The following KDM6A variants were observed in gnomAD, a reference collection of about 807,000 sequenced individuals.
The protein encoded by KDM6A is lysine-specific demethylase 6A.
Under a neutral mutation model 117.6 loss-of-function variants are expected in KDM6A, and 11 were observed. That is an observed-to-expected ratio of 0.09 (90% CI 0.06 to 0.15). The LOEUF (loss-of-function observed/expected upper bound fraction) is 0.15. Among genes scored for constraint, KDM6A ranks in the 10% least tolerant of loss-of-function variants. The pLI is 1.00. For synonymous variants in KDM6A, 384 were observed against 396.1 expected (o/e 0.97, Z 0.36); for missense variants, 799 against 1,077.3 (o/e 0.74, Z 3.62).
At chrX:45,107,184 A>G (rs1459701018) in intron 27 of KDM6A, 1 of 367,503 alleles carries the variant, frequency 2.7e-6, no homozygotes, top group South Asian at 3.8e-5. Flanking sequence ...TGATATCCAG[A>G]TATTACTTTT....
At chrX:45,103,429 C>T (rs187228837) in intron 27 of KDM6A, among the ~76,000 whole-genome samples, 11 of 111,201 alleles carry the variant, frequency 9.9e-5, no homozygotes, top group African/African-American at 3.6e-4. Context: ...ATGTGATTCT[C>T]TACCTCCCCT....
chrX:44,997,302 G>A (rs1478494573), intron 4 of KDM6A, among the ~76,000 whole-genome samples: 1 of 112,183 alleles, frequency 8.9e-6, no homozygotes, highest in East Asian at 2.8e-4. Flanking sequence ...AGCCTATGGG[G>A]TAGCCAGAGG....
intron 19 of KDM6A, 127 bp downstream of exon 19, chrX:45,076,953 T>C (rs1234646827): frequency 2.1e-6 from 1 of 478,595 alleles, no homozygotes; most frequent in African/African-American, 2.5e-5. Context: ...TTAAATAGTT[T>C]GGGGGCGGGG....
At chrX:45,048,425 T>C (rs2043682644) in intron 8 of KDM6A, among the ~76,000 whole-genome samples, 1 of 111,348 alleles carries the variant, frequency 9.0e-6, no homozygotes, top group African/African-American at 3.3e-5. Context: ...AATCTCTCTC[T>C]AGTTCTTTTA....
Position 45,086,011 on chromosome X carries a change from T to C in KDM6A, c.3704+32T>C, listed in dbSNP as rs761427820. On this transcript the variant is annotated intron_variant, in intron 25 of 29. Coordinates refer to ENST00000611820, the MANE Select transcript of KDM6A (RefSeq NM_001291415.2). ...TTCCAAAGTAAATTTTCTTAAAACA[T>C]ATATTAGAAAGCAGTAATTGTAAAC... 2.0e-5 allele frequency: 18 copies of C among 894,802 alleles called. No homozygotes were observed. In the Admixed American group the frequency reaches 2.9e-4, roughly 14 times the overall value. The allele number at this position is 894,802 out of a possible 1,213,427, so 73.7% of individuals were successfully genotyped here.
intron 8 of KDM6A, among the ~76,000 whole-genome samples, chrX:45,048,778 T>C (rs1310603899): frequency 1.8e-5 from 2 of 109,545 alleles, no homozygotes; most frequent in Non-Finnish European, 3.8e-5. Context: ...TGCCATCTGG[T>C]AGTTGACTTT....
At chrX:44,992,459 C>T (rs192061380) in intron 4 of KDM6A, among the ~76,000 whole-genome samples, 1 of 109,079 alleles carries the variant, frequency 9.2e-6, no homozygotes, top group South Asian at 4.0e-4. Context: ...CCCAGCCTCA[C>T]GTGATCTGCC....
intron 2 of KDM6A, among the ~76,000 whole-genome samples, chrX:44,919,180 T>C (rs1344632567): frequency 2.7e-5 from 3 of 111,978 alleles, no homozygotes; most frequent in Admixed American, 1.9e-4. Flanking sequence ...GAACCAATAT[T>C]GATACTTTAT....
intron 4 of KDM6A, among the ~76,000 whole-genome samples, chrX:44,990,186 A>G (rs2040492011): frequency 8.9e-6 from 1 of 112,114 alleles, no homozygotes; most frequent in African/African-American, 3.2e-5. Context: ...AGATAAAGTT[A>G]AATAAAACAC....
chrX:45,071,645 A>C (rs1422242616), intron 18 of KDM6A, among the ~76,000 whole-genome samples: 1 of 111,561 alleles, frequency 9.0e-6, no homozygotes, highest in African/African-American at 3.3e-5. Flanking sequence ...TATCGCTTTA[A>C]TTGTGACACT....
chrX:45,022,831 G>A (rs753533368), intron 6 of KDM6A, among the ~76,000 whole-genome samples: 29 of 111,914 alleles, frequency 2.6e-4, no homozygotes, highest in African/African-American at 7.8e-4. Context: ...ATGCTCCTAT[G>A]TGAAGTCTAG....
intron 29 of KDM6A, 75 bp from the exon 30 acceptor site, chrX:45,111,303 ACAAG>A: frequency 1.2e-6 from 1 of 841,142 alleles, no homozygotes; most frequent in Non-Finnish European, 1.8e-6. Context: ...CCCTAACTTC[ACAAG>A]CAGACTATAT....
intron 2 of KDM6A, among the ~76,000 whole-genome samples, chrX:44,923,640 G>A (rs775872304): frequency 4.7e-4 from 49 of 104,167 alleles, no homozygotes; most frequent in Non-Finnish European, 8.4e-4. Context: ...CACTTCCCGG[G>A]TTTGAGCGAT....
intron 5 of KDM6A, among the ~76,000 whole-genome samples, chrX:45,012,197 A>ATTTTTTTTT (rs760991442): frequency 2.8e-4 from 19 of 69,070 alleles, no homozygotes; most frequent in Non-Finnish European, 3.7e-4. Context: ...CCCAATGTAG[A>ATTTTTTTTT]TTTTTTTTTT....
At chrX:44,935,818 G>A (rs1602257005) in intron 2 of KDM6A, among the ~76,000 whole-genome samples, 1 of 111,895 alleles carries the variant, frequency 8.9e-6, no homozygotes, top group African/African-American at 3.2e-5. Context: ...ATCAGGTCGC[G>A]CTTGGCATCA....
At chrX:44,893,820 T>A (rs1005854553) in intron 2 of KDM6A, among the ~76,000 whole-genome samples, 5 of 111,549 alleles carry the variant, frequency 4.5e-5, no homozygotes, top group African/African-American at 1.6e-4. Flanking sequence ...TCCACCCCAC[T>A]CCTTCCTAAG....
chrX:45,049,162 A>G (rs1051681556), intron 8 of KDM6A, among the ~76,000 whole-genome samples: 5 of 111,990 alleles, frequency 4.5e-5, no homozygotes, highest in African/African-American at 1.6e-4. Context: ...TCACATCTCT[A>G]CAATACTTGG....
chrX:45,042,610 G>T (rs1450943646), intron 8 of KDM6A, among the ~76,000 whole-genome samples: 2 of 111,356 alleles, frequency 1.8e-5, no homozygotes, highest in Non-Finnish European at 3.8e-5. Flanking sequence ...CTACTGCTAG[G>T]TAAACAATAG....
intron 3 of KDM6A, among the ~76,000 whole-genome samples, chrX:44,963,233 A>G (rs2038781675): frequency 9.0e-6 from 1 of 110,703 alleles, no homozygotes; most frequent in Non-Finnish European, 1.9e-5. Context: ...AGGCCAAGGC[A>G]GGAGGATTAC....
Sources: gnomAD v4.1 joint callset for allele counts (sites outside exome capture counted in the v4.1 genomes callset) on GRCh38, gnomAD v4.1.1 for gene constraint, MANE v1.5 for transcripts, NCBI Gene and HGNC (gene_info 2026-07-23, HGNC 2026-07-21) for gene names.